The following DYSF variants were observed in gnomAD, a reference collection of about 807,000 sequenced individuals.
The protein encoded by DYSF is dysferlin.
In DYSF, 212 loss-of-function variants were observed where a neutral mutation model predicts 274.9. The observed-to-expected ratio is 0.77, with a 90% CI of 0.69 to 0.86. The LOEUF (loss-of-function observed/expected upper bound fraction) is 0.86. Ranked by LOEUF, DYSF falls within the 40% of genes least tolerant of loss-of-function variation. The probability of loss-of-function intolerance (pLI) is 0.00; values close to 1 mark genes in which losing one functional copy is unlikely to be tolerated. For missense variants in DYSF, 2,666 were observed against 2,783.2 expected, an observed-to-expected ratio of 0.96 and a Z score of 0.95; for synonymous variants, 1,091 against 1,078.7, an observed-to-expected ratio of 1.01 and a Z score of -0.22.
chr2:71,589,489 G>T, intron 30 of DYSF, 104 bp from the exon 31 acceptor site: 1 of 900,890 alleles, frequency 1.1e-6, no homozygotes, highest in Non-Finnish European at 1.9e-6. Context: ...GCTTTCGGCA[G>T]CGGAGAGATC....
chr2:71,495,174 G>C (rs779644926), intron 3 of DYSF, among the ~76,000 whole-genome samples: 67 of 152,310 alleles, frequency 4.4e-4, no homozygotes, highest in Non-Finnish European at 3.7e-4. Context: ...TGCAGGGTGG[G>C]TTGTCCATTT....
chr2:71,641,073 A>G (rs2094477583), intron 41 of DYSF, among the ~76,000 whole-genome samples: 1 of 151,550 alleles, frequency 6.6e-6, no homozygotes, highest in African/African-American at 2.4e-5. Context: ...AGCCTCATAA[A>G]CCTATTGATA....
Position 71,561,353 on chromosome 2 carries a change from G to A in DYSF, c.2217-399G>A, listed in dbSNP as rs565719611. On this transcript the variant is annotated intron_variant, in intron 22 of 55. Transcript: ENST00000410020. ...CTTGTTTCAGTGCAGGGCACTCAGC[G>A]CTGGAGCCTCTACTCTAGGAGGATC... is the stretch of plus-strand genomic sequence containing the variant. Among the ~76,000 whole-genome samples, 9 of 152,296 alleles carry A rather than the reference G, an allele frequency of 5.9e-5. 1 individual carries two copies. The South Asian group carries it at 1.9e-3, about 32-fold the overall frequency.
At chr2:71,489,544 T>A (rs942838966) in intron 3 of DYSF, among the ~76,000 whole-genome samples, 1 of 152,256 alleles carries the variant, frequency 6.6e-6, no homozygotes, top group Non-Finnish European at 1.5e-5. Flanking sequence ...GGTGGCCTGA[T>A]GCCTCCTATG....
At chr2:71,614,076 G>A (rs2093829723) in intron 40 of DYSF, among the ~76,000 whole-genome samples, 1 of 152,152 alleles carries the variant, frequency 6.6e-6, no homozygotes, top group Admixed American at 6.5e-5. Flanking sequence ...GGAGGTCTGT[G>A]GCACCTTGTG....
intron 42 of DYSF, among the ~76,000 whole-genome samples, chr2:71,648,447 A>G (rs1383217447): frequency 6.6e-6 from 1 of 152,216 alleles, no homozygotes; most frequent in Admixed American, 6.5e-5. Flanking sequence ...AAAAAGTTAT[A>G]AAGGAACAAA....
intron 1 of DYSF, among the ~76,000 whole-genome samples, chr2:71,454,807 T>A (rs2080986199): frequency 6.6e-6 from 1 of 152,104 alleles, no homozygotes; most frequent in Non-Finnish European, 1.5e-5. Flanking sequence ...AGGGCCTTCA[T>A]AGAGTTATGA....
At chr2:71,485,908 G>T (rs562080355) in intron 3 of DYSF, among the ~76,000 whole-genome samples, 37 of 152,204 alleles carry the variant, frequency 2.4e-4, no homozygotes, top group Non-Finnish European at 4.9e-4. Flanking sequence ...CCGCCTCCTG[G>T]GTTCAAGTGA....
At chr2:71,489,151 C>T (rs530261418) in intron 3 of DYSF, among the ~76,000 whole-genome samples, 4 of 152,292 alleles carry the variant, frequency 2.6e-5, no homozygotes, top group East Asian at 3.9e-4. Flanking sequence ...CCTGCCACAA[C>T]GGGGGTCTCC....
chr2:71,563,913 A>G (rs2091934326), intron 23 of DYSF, 145 bp from the exon 24 acceptor site: 1 of 1,170,588 alleles, frequency 8.5e-7, no homozygotes, highest in Admixed American at 2.0e-5. Context: ...GTCTGGGGGA[A>G]GGCCAGGGTG....
At chr2:71,460,555 G>A (rs2081242762) in intron 1 of DYSF, among the ~76,000 whole-genome samples, 1 of 152,132 alleles carries the variant, frequency 6.6e-6, no homozygotes, top group Non-Finnish European at 1.5e-5. Context: ...TGTCCCCTCG[G>A]GAGGAAGCCC....
chr2:71,552,681 G>A (rs1336030561), intron 19 of DYSF, among the ~76,000 whole-genome samples: 1 of 152,234 alleles, frequency 6.6e-6, no homozygotes, highest in African/African-American at 2.4e-5. Flanking sequence ...GATAAGGCCC[G>A]GGTTGCCCCT....
intron 4 of DYSF, among the ~76,000 whole-genome samples, chr2:71,504,164 G>T (rs545483820): frequency 9.2e-5 from 14 of 152,308 alleles, no homozygotes; most frequent in African/African-American, 3.4e-4. Flanking sequence ...GAGACCTAGA[G>T]AAAAGGAACC....
chr2:71,644,345 C>G (rs544818555), intron 42 of DYSF, among the ~76,000 whole-genome samples: 1 of 152,264 alleles, frequency 6.6e-6, no homozygotes, highest in South Asian at 2.1e-4. Flanking sequence ...CGTGCCCCAG[C>G]CCCCTACCCC....
intron 4 of DYSF, among the ~76,000 whole-genome samples, chr2:71,505,139 G>A (rs767474508): frequency 1.3e-5 from 2 of 152,190 alleles, no homozygotes; most frequent in Non-Finnish European, 2.9e-5. Flanking sequence ...TGTACAGAGG[G>A]TCTAGGACTA....
At chr2:71,646,455 G>A (rs1558716146) in intron 42 of DYSF, among the ~76,000 whole-genome samples, 1 of 152,190 alleles carries the variant, frequency 6.6e-6, no homozygotes, top group Non-Finnish European at 1.5e-5. Flanking sequence ...ATTTCTGGGG[G>A]GAAAACTAGA....
intron 41 of DYSF, among the ~76,000 whole-genome samples, chr2:71,625,170 C>T (rs1035613131): frequency 1.9e-4 from 29 of 152,068 alleles, no homozygotes; most frequent in African/African-American, 7.0e-4. Context: ...CATTTTTAAG[C>T]TCTCTCAATC....
At chr2:71,575,808 G>A (rs138085954) in intron 30 of DYSF, among the ~76,000 whole-genome samples, 15 of 151,466 alleles carry the variant, frequency 9.9e-5, no homozygotes, top group African/African-American at 3.6e-4. Context: ...GAGCTGGGAA[G>A]AACCCGAGAG....
chr2:71,663,160 G>C (rs994201017), intron 45 of DYSF, among the ~76,000 whole-genome samples: 1 of 152,162 alleles, frequency 6.6e-6, no homozygotes, highest in Admixed American at 6.5e-5. Flanking sequence ...TGTCTGGGCT[G>C]GGGAGAGGGC....
Sources: gnomAD v4.1 joint callset for allele counts (sites outside exome capture counted in the v4.1 genomes callset) on GRCh38, gnomAD v4.1.1 for gene constraint, MANE v1.5 for transcripts, NCBI Gene and HGNC (gene_info 2026-07-23, HGNC 2026-07-21) for gene names.